SHROOM2: variants seen among roughly 807,000 people sequenced by gnomAD.
SHROOM2 encodes shroom family member 2.
Under a neutral mutation model 75.9 loss-of-function variants are expected in SHROOM2, and 33 were observed. That is an observed-to-expected ratio of 0.43 (90% confidence interval 0.33 to 0.58). The LOEUF is 0.58. SHROOM2 is among the 20% of genes least tolerant of loss of function. The pLI is 0.04. For synonymous variants in SHROOM2, 655 were observed against 663.6 expected (o/e 0.99, Z 0.20); for missense variants, 1,434 against 1,461.2 (o/e 0.98, Z 0.30).
At chrX:9,794,092 T>A (rs2083681821) in intron 1 of SHROOM2, among the ~76,000 whole-genome samples, 1 of 111,968 alleles carries the variant, frequency 8.9e-6, no homozygotes, top group Admixed American at 9.5e-5. Context: ...CAGTGTTTAT[T>A]TTGGTTGCTA....
chrX:9,941,064 AAG>A (rs1226345547), intron 8 of SHROOM2, among the ~76,000 whole-genome samples: 1 of 112,376 alleles, frequency 8.9e-6, no homozygotes, highest in Non-Finnish European at 1.9e-5. Context: ...CTGCCCAGAA[AAG>A]AGGGCACCAT....
intron 1 of SHROOM2, among the ~76,000 whole-genome samples, chrX:9,807,158 G>A (rs572588713): frequency 8.9e-6 from 1 of 111,967 alleles, no homozygotes; most frequent in South Asian, 3.8e-4. Flanking sequence ...TCCCTGCCTC[G>A]AGTATGTCTG....
In SHROOM2 at chrX:9,932,414, G is replaced by A. The variant is rs776355945; in HGVS notation, c.3131G>A (p.Arg1044Gln). ...AQSPGSPLHA[R>Q]GQDSWPVSSA... is the part of the protein sequence containing the mutation. ...AGCCCTGGCTCACCCCTGCATGCTCGAGGACAAGACTCGTGGCCAGTGAGC... is the reference window on the plus strand; with the variant it reads ...AGCCCTGGCTCACCCCTGCATGCTCAAGGACAAGACTCGTGGCCAGTGAGC... Residue 1044 changes from arginine to glutamine, a missense_variant, in exon 6 of 10, where the codon CGA becomes CAA. By Grantham distance (43) the Arg-to-Gln change is conservative. Coordinates refer to ENST00000380913, the MANE Select transcript of SHROOM2 (RefSeq NM_001649.4). 38 of 1,208,750 alleles carry A rather than the reference G, an allele frequency of 3.1e-5. No individual in the cohort carries two copies. Among genetic ancestry groups the A allele is most frequent in the Non-Finnish European group, 4.0e-5 (36 of 893,818 alleles).
At chrX:9,935,162 G>T (rs755848401) in intron 6 of SHROOM2, among the ~76,000 whole-genome samples, 1 of 110,851 alleles carries the variant, frequency 9.0e-6, no homozygotes, top group African/African-American at 3.3e-5. Flanking sequence ...CTGCACAAAA[G>T]GGGGAGGATA....
At chrX:9,850,808 G>A (rs777654509) in intron 1 of SHROOM2, among the ~76,000 whole-genome samples, 1 of 97,640 alleles carries the variant, frequency 1.0e-5, no homozygotes, top group Admixed American at 1.3e-4. Flanking sequence ...CTCCAGCCTG[G>A]GCTAGCGGAT....
rs532298870 is a variant in SHROOM2 at position 9,892,214 on chromosome X, C to T, written c.449+1106C>T. ...GCTGCAGTGAGCTATGATTGCAGCA[C>T]CGCACTCCAGTCTGGGCAACAGAGC... On this transcript the variant is annotated intron_variant, in intron 3 of 9. Transcript: ENST00000380913. Among the ~76,000 whole-genome samples, 56 of 104,104 alleles carry T rather than the reference C, an allele frequency of 5.4e-4. No homozygotes were observed. In the Middle Eastern group the frequency reaches 0.014, roughly 27 times the overall value. The allele number at this position is 104,104 out of a possible 115,157, so 90.4% of individuals were successfully genotyped here. A position where few individuals can be genotyped will look rare whatever the true frequency, so the allele number is the denominator to read the frequency against.
intron 5 of SHROOM2, among the ~76,000 whole-genome samples, chrX:9,912,107 A>AAC (rs61080253): frequency 0.048 from 1,268 of 26,442 alleles, 84 homozygotes; most frequent in East Asian, 0.1. Flanking sequence ...CCTTTCTCCA[A>AAC]ACACACACAC....
intron 1 of SHROOM2, chrX:9,819,129 C>T (rs2083838302): frequency 8.3e-7 from 1 of 1,201,780 alleles, no homozygotes; most frequent in South Asian, 1.8e-5. Context: ...GCCTCGATAG[C>T]CACAGGCTTT....
chrX:9,888,874 G>A (rs774859118), intron 2 of SHROOM2, among the ~76,000 whole-genome samples: 7 of 112,487 alleles, frequency 6.2e-5, no homozygotes, highest in African/African-American at 1.6e-4. Context: ...CCAGCTAGTA[G>A]CCCAGTTATT....
chrX:9,819,770 G>A (rs984822292), intron 1 of SHROOM2, among the ~76,000 whole-genome samples: 1 of 107,954 alleles, frequency 9.3e-6, no homozygotes, highest in Non-Finnish European at 1.9e-5. Context: ...ATCACGTCGA[G>A]TCCACCCTGC....
intron 2 of SHROOM2, among the ~76,000 whole-genome samples, chrX:9,885,619 G>T (rs752981676): frequency 3.0e-4 from 34 of 111,551 alleles, no homozygotes; most frequent in Non-Finnish European, 5.6e-4. Context: ...AGCAGAAAGA[G>T]TGCAACTCTT....
intron 2 of SHROOM2, among the ~76,000 whole-genome samples, chrX:9,889,250 C>T (rs766518219): frequency 3.6e-5 from 4 of 112,383 alleles, no homozygotes; most frequent in African/African-American, 1.3e-4. Context: ...TACTTTTCCT[C>T]GTTAAAATGA....
chrX:9,900,049 C>T (rs912878232), intron 5 of SHROOM2, among the ~76,000 whole-genome samples: 4 of 111,484 alleles, frequency 3.6e-5, no homozygotes, highest in Non-Finnish European at 5.7e-5. Flanking sequence ...ATGGCACTGT[C>T]GATACTGAAA....
chrX:9,907,693 A>C (rs2084398959), intron 5 of SHROOM2, among the ~76,000 whole-genome samples: 1 of 111,954 alleles, frequency 8.9e-6, no homozygotes, highest in Non-Finnish European at 1.9e-5. Context: ...TTGATGACTC[A>C]ACAGAGGAAA....
At chrX:9,901,632 C>T (rs886843283) in intron 5 of SHROOM2, among the ~76,000 whole-genome samples, 2 of 112,041 alleles carry the variant, frequency 1.8e-5, no homozygotes, top group African/African-American at 6.5e-5. Context: ...CAGCTCTGCA[C>T]ACCTTCTGGT....
chrX:9,824,567 C>T (rs1442836905), intron 1 of SHROOM2, among the ~76,000 whole-genome samples: 1 of 112,171 alleles, frequency 8.9e-6, no homozygotes, highest in Non-Finnish European at 1.9e-5. Context: ...CCCCTCTCTT[C>T]CTCCCCTCCC....
intron 3 of SHROOM2, among the ~76,000 whole-genome samples, chrX:9,892,964 A>G (rs1019290477): frequency 1.8e-5 from 2 of 112,538 alleles, no homozygotes; most frequent in Admixed American, 1.9e-4. Flanking sequence ...AGAGGAATCA[A>G]TGTGTCAACT....
rs61744804 is a variant in SHROOM2 at position 9,896,361 on chromosome X, T to C, written c.2453T>C (p.Leu818Pro). Reference sequence around the variant, plus strand: ...CAGAGGCCTGCCCAGAAGCAAGCTCTTCACGGAATCCCGAGAGACAAGCCA... The same window carrying C: ...CAGAGGCCTGCCCAGAAGCAAGCTCCTCACGGAATCCCGAGAGACAAGCCA... ...VPQRPAQKQALHGIPRDKPER... is the reference protein window; with the variant it reads ...VPQRPAQKQAPHGIPRDKPER... Residue 818 changes from leucine (L) to proline (P), a missense_variant, in exon 4 of 10, where the codon CTT (leucine) becomes CCT (proline). Transcript: ENST00000380913. 1.3e-4 allele frequency: 159 copies of C among 1,211,160 alleles called. 1 individual carries two copies. The African/African-American group carries it at 2.6e-3, about 20-fold the overall frequency.
At chrX:9,807,863 C>T (rs2083763816) in intron 1 of SHROOM2, among the ~76,000 whole-genome samples, 1 of 111,596 alleles carries the variant, frequency 9.0e-6, no homozygotes, top group African/African-American at 3.3e-5. Flanking sequence ...AACTTGACTG[C>T]TTCTGAAGTC....
Sources: allele counts gnomAD v4.1 joint callset (sites outside exome capture counted in the v4.1 genomes callset), GRCh38; gene constraint gnomAD v4.1.1; transcripts MANE v1.5; gene names NCBI Gene and HGNC (gene_info 2026-07-23, HGNC 2026-07-21).